CDK14: variants seen among roughly 807,000 people sequenced by gnomAD.
CDK14 encodes the protein cyclin dependent kinase 14.
CDK14 carries 34 observed loss-of-function variants against 60.7 expected under a neutral mutation model. That is an observed-to-expected ratio of 0.56 (90% CI 0.43 to 0.75). The LOEUF is 0.75. Among genes scored for constraint, CDK14 ranks in the 30% least tolerant of loss-of-function variants. The probability of loss-of-function intolerance (pLI) is 0.00; values close to 1 mark genes in which losing one functional copy is unlikely to be tolerated. For missense variants in CDK14, 482 were observed against 564.1 expected (o/e 0.85, Z 1.47); for synonymous variants, 197 against 203.7 (o/e 0.97, Z 0.28).
intron 4 of CDK14, among the ~76,000 whole-genome samples, chr7:90,752,287 T>TG (rs1803876898): frequency 6.7e-6 from 1 of 149,310 alleles, no homozygotes; most frequent in Non-Finnish European, 1.5e-5. Flanking sequence ...CTCAGTAAAT[T>TG]AAAAAAAAAA....
At chr7:90,628,751 A>G (rs1349341030) in intron 2 of CDK14, among the ~76,000 whole-genome samples, 1 of 152,128 alleles carries the variant, frequency 6.6e-6, no homozygotes, top group East Asian at 1.9e-4. Flanking sequence ...CGGGAGGATC[A>G]TTTGAGTCCA....
At chr7:91,179,245 A>G (rs1801902854) in intron 14 of CDK14, among the ~76,000 whole-genome samples, 1 of 151,442 alleles carries the variant, frequency 6.6e-6, no homozygotes, top group Non-Finnish European at 1.5e-5. Context: ...TCAGTAAACT[A>G]TCACAAGAAC....
In CDK14 at chr7:90,899,328, G is replaced by A. The variant is rs769531582; in HGVS notation, c.677G>A (p.Gly226Glu). 4 of 1,601,732 alleles carry A rather than the reference G, an allele frequency of 2.5e-6. No individual in the cohort carries two copies. The highest frequency in any genetic ancestry group is 3.4e-5 in the Admixed American group (2 of 58,226). ...TGTCAGTACATGGACAAGCACCCTG[G>A]GGGGCTGCATCCAGATAATGTGAAG... ...DLCQYMDKHPGGLHPDNVKLF... is the reference protein window; with the variant it reads ...DLCQYMDKHPEGLHPDNVKLF... The change falls in exon 7 of 15, where the codon GGG becomes GAG. Residue 226 changes from glycine (G) to glutamate (E), a missense_variant. By Grantham distance (98) the Gly-to-Glu change is moderately conservative. Coordinates refer to ENST00000380050, the MANE Select transcript of CDK14 (RefSeq NM_001287135.2).
chr7:90,640,057 A>T (rs1800282568), intron 2 of CDK14, among the ~76,000 whole-genome samples: 1 of 151,792 alleles, frequency 6.6e-6, no homozygotes, highest in African/African-American at 2.4e-5. Flanking sequence ...GAACTCCCTG[A>T]CCCCTTGTGC....
chr7:90,932,468 C>G (rs939059105), intron 8 of CDK14, among the ~76,000 whole-genome samples: 1 of 152,130 alleles, frequency 6.6e-6, no homozygotes, highest in Non-Finnish European at 1.5e-5. Context: ...TCTCCCATCT[C>G]CCCCCAGCCA....
intron 11 of CDK14, among the ~76,000 whole-genome samples, chr7:91,072,147 C>G (rs1226554592): frequency 6.6e-6 from 1 of 152,162 alleles, no homozygotes; most frequent in African/African-American, 2.4e-5. Context: ...CTCGGCACAC[C>G]CCCTCCACCA....
intron 10 of CDK14, 22 bp from the exon 11 acceptor site, chr7:91,045,875 A>G (rs1165647620): frequency 1.3e-6 from 2 of 1,549,736 alleles, no homozygotes; most frequent in Non-Finnish European, 8.9e-7. Context: ...GGCTGTTTCC[A>G]CAATCTCCTA....
chr7:91,197,089 C>G (rs747509750), intron 14 of CDK14, among the ~76,000 whole-genome samples: 1 of 152,170 alleles, frequency 6.6e-6, no homozygotes, highest in Non-Finnish European at 1.5e-5. Flanking sequence ...CCACCACCCA[C>G]ATTTTAGAAC....
chr7:90,987,957 A>T (rs1052633780), intron 10 of CDK14, among the ~76,000 whole-genome samples: 1 of 152,164 alleles, frequency 6.6e-6, no homozygotes, highest in Non-Finnish European at 1.5e-5. Context: ...ACAAGGATTA[A>T]GTTCATTCAT....
intron 4 of CDK14, among the ~76,000 whole-genome samples, chr7:90,776,559 G>A (rs1778808146): frequency 6.6e-6 from 1 of 152,112 alleles, no homozygotes; most frequent in Admixed American, 6.6e-5. Context: ...ACACACACAG[G>A]GGTCATGGGG....
intron 12 of CDK14, among the ~76,000 whole-genome samples, chr7:91,089,398 C>T (rs1798736719): frequency 6.6e-6 from 1 of 152,080 alleles, no homozygotes; most frequent in Non-Finnish European, 1.5e-5. Context: ...ATGTTGATTG[C>T]TTCTCATCTT....
At chr7:90,836,419 G>C (rs1448898939) in intron 5 of CDK14, among the ~76,000 whole-genome samples, 1 of 151,836 alleles carries the variant, frequency 6.6e-6, no homozygotes, top group Admixed American at 6.6e-5. Context: ...CAGTAGCCTT[G>C]GATTCATGGG....
chr7:91,123,844 A>C (rs1783648108), intron 14 of CDK14, among the ~76,000 whole-genome samples: 3 of 152,218 alleles, frequency 2.0e-5, no homozygotes, highest in African/African-American at 7.2e-5. Flanking sequence ...GTCACAAAGC[A>C]GAATGAAAAT....
At chr7:91,152,854 G>T (rs191465665) in intron 14 of CDK14, among the ~76,000 whole-genome samples, 134 of 152,322 alleles carry the variant, frequency 8.8e-4, no homozygotes, top group Non-Finnish European at 1.6e-3. Context: ...TTCCTGATTT[G>T]CCTATGGTAA....
chr7:90,893,630 A>G (rs1440629738), intron 6 of CDK14, among the ~76,000 whole-genome samples: 3 of 152,364 alleles, frequency 2.0e-5, no homozygotes, highest in East Asian at 3.9e-4. Flanking sequence ...AAGAATGTAT[A>G]AAGAAAAAAG....
intron 2 of CDK14, among the ~76,000 whole-genome samples, chr7:90,637,374 G>A (rs1800179164): frequency 1.3e-5 from 2 of 152,138 alleles, no homozygotes; most frequent in East Asian, 1.9e-4. Context: ...CTTTATTTCT[G>A]CCTTCATTTC....
At chr7:90,835,069 G>A (rs1248613682) in intron 5 of CDK14, among the ~76,000 whole-genome samples, 4 of 152,160 alleles carry the variant, frequency 2.6e-5, no homozygotes, top group Admixed American at 2.6e-4. Context: ...GACGGTGACT[G>A]ACAAGGAGCA....
Position 91,128,546 on chromosome 7 carries a change from C to G in CDK14, c.*28+10338C>G, listed in dbSNP as rs373455767. Among the ~76,000 whole-genome samples, 11 of 152,104 alleles carry G rather than the reference C, an allele frequency of 7.2e-5. No homozygotes were observed. The East Asian group carries it at 1.5e-3, about 21-fold the overall frequency. On this transcript the variant is annotated intron_variant, in intron 14 of 14. Transcript: ENST00000380050. Reference sequence around the variant, plus strand: ...TCACAGAAACCCAATTTGTTAATAACTGACAGATTTATTAGATTAATAAAT... The same window carrying G: ...TCACAGAAACCCAATTTGTTAATAAGTGACAGATTTATTAGATTAATAAAT...
At chr7:90,933,006 A>T (rs1162961717) in intron 8 of CDK14, among the ~76,000 whole-genome samples, 1 of 152,168 alleles carries the variant, frequency 6.6e-6, no homozygotes, top group Non-Finnish European at 1.5e-5. Flanking sequence ...CTGTCCAATT[A>T]TGTCGTGGTG....
Sources: allele counts gnomAD v4.1 joint callset (sites outside exome capture counted in the v4.1 genomes callset), GRCh38; gene constraint gnomAD v4.1.1; transcripts MANE v1.5; gene names NCBI Gene and HGNC (gene_info 2026-07-23, HGNC 2026-07-21).